CHD2: variants seen among roughly 807,000 people sequenced by gnomAD.
The protein encoded by CHD2 is ATP-dependent chromatin remodeler CHD2.
A neutral mutation model predicts 243.9 loss-of-function variants in CHD2; 28 were observed. The observed-to-expected ratio is 0.11, with a 90% CI of 0.09 to 0.16. The LOEUF is 0.16. Among genes scored for constraint, CHD2 ranks in the 10% least tolerant of loss-of-function variants. The pLI is 1.00. For synonymous variants in CHD2, 775 were observed against 779.0 expected, an observed-to-expected ratio of 0.99 and a Z score of 0.09; for missense variants, 1,386 against 2,209.8, an observed-to-expected ratio of 0.63 and a Z score of 7.47.
At position 92,949,017 on chromosome 15, in the gene CHD2, T is replaced by A; in HGVS notation, c.1443T>A (p.Asn481Lys). 6.2e-7 allele frequency: 1 copy of A among 1,614,100 alleles called. No individual in the cohort carries two copies. Among genetic ancestry groups the A allele is most frequent in the Non-Finnish European group, 8.5e-7 (1 of 1,180,022 alleles). Residue 481 changes from asparagine to lysine, a missense_variant, in exon 13 of 39, where the codon AAT becomes AAA. Physicochemically the swap from Asn to Lys is moderately conservative, Grantham distance 94 (BLOSUM62 0). Around this residue, in one of 19 missense-constraint regions of CHD2, gnomAD observed 14 missense variants for 26.8 expected, o/e 0.52. Transcript: ENST00000394196. ...KKQPAYLGGE[N>K]LELRDYQLEG... ...AACCTGCATATTTAGGAGGGGAGAA[T>A]CTGGAACTTCGAGATTATCAGCTAG... is the stretch of plus-strand genomic sequence containing the variant.
chr15:92,957,166 C>T (rs1449572648), intron 16 of CHD2, among the ~76,000 whole-genome samples: 1 of 152,168 alleles, frequency 6.6e-6, no homozygotes, highest in African/African-American at 2.4e-5. Context: ...AGAATAACAT[C>T]TATATTCATT....
Position 93,009,047 on chromosome 15 carries a change from TA to T in CHD2, c.4414-97del, listed in dbSNP as rs201797039. The T allele has an allele frequency of 0.022, 29,094 of 1,311,266 alleles. 410 individuals carry two copies. Among genetic ancestry groups the T allele is most frequent in the Middle Eastern group, 0.042 (217 of 5,206 alleles). The allele number at this position is 1,311,266 out of a possible 1,614,324, so 81.2% of individuals were successfully genotyped here. A position where few individuals can be genotyped will look rare whatever the true frequency, so the allele number is the denominator to read the frequency against. ...CTCTTCCTCTAGCAATTATATGGCA[TA>T]GGGGTGGGCTGTGTTTTCATCGAGA... On this transcript the variant is annotated intron_variant, in intron 34 of 38. Transcript: ENST00000394196.
At chr15:92,901,781 G>T in intron 2 of CHD2, 1 of 253,994 alleles carries the variant, frequency 3.9e-6, no homozygotes, top group Non-Finnish European at 7.3e-6. Context: ...AAAGTTATAT[G>T]AATGAAAAAA....
At chr15:92,911,627 A>G (rs1286806918) in intron 2 of CHD2, among the ~76,000 whole-genome samples, 3 of 152,148 alleles carry the variant, frequency 2.0e-5, no homozygotes, top group East Asian at 1.9e-4. Context: ...AATACCGGCT[A>G]TTAGGGAGGC....
chr15:92,941,094 C>T (rs1270803201), intron 7 of CHD2, among the ~76,000 whole-genome samples: 10 of 150,018 alleles, frequency 6.7e-5, no homozygotes, highest in South Asian at 2.1e-4. Context: ...CTCTGCCTCC[C>T]GGATTCAAGT....
chr15:92,916,136 G>C (rs2052830849), intron 2 of CHD2, among the ~76,000 whole-genome samples: 1 of 152,200 alleles, frequency 6.6e-6, no homozygotes, highest in African/African-American at 2.4e-5. Context: ...CAGTTGTCCG[G>C]CCTTTCCAGG....
rs530424170 is a variant in CHD2, at chr15:92,971,640, C to T, written c.2190-125C>T. ...GAGATACAAAAGAAAATATTCTTTG[C>T]TTCTTAAACTTTTTTAGGCCTCTTT... On this transcript the variant is annotated intron_variant, in intron 17 of 38. Transcript: ENST00000394196. 4.8e-4 allele frequency: 296 copies of T among 619,252 alleles called. 1 individual carries two copies. The Middle Eastern group carries it at 5.0e-3, about 10-fold the overall frequency. 38.4% of individuals were successfully genotyped at this position (619,252 alleles called of 1,614,324 possible).
intron 3 of CHD2, 53 bp from the exon 4 acceptor site, chr15:92,927,191 A>G: frequency 7.8e-7 from 1 of 1,278,092 alleles, no homozygotes; most frequent in South Asian, 1.3e-5. Flanking sequence ...ACGTTTGATA[A>G]TAATAATGGG....
At chr15:92,949,589 A>G (rs1294228231) in intron 13 of CHD2, among the ~76,000 whole-genome samples, 2 of 152,196 alleles carry the variant, frequency 1.3e-5, no homozygotes, top group African/African-American at 4.8e-5. Context: ...CTGTGAAAGT[A>G]TCCTTTTTAT....
chr15:93,020,866 G>A (rs1245262852), intron 38 of CHD2: 1 of 153,068 alleles, frequency 6.5e-6, no homozygotes, highest in East Asian at 1.9e-4. Context: ...ATTTACAGTG[G>A]GAAAATTTCA....
chr15:93,002,486 G>A (rs1191615349), intron 33 of CHD2, among the ~76,000 whole-genome samples, 169 bp downstream of exon 33: 3 of 152,230 alleles, frequency 2.0e-5, no homozygotes, highest in Non-Finnish European at 4.4e-5. Flanking sequence ...TCCTTGCAGA[G>A]AGAGGGGAAC....
chr15:92,908,551 T>G (rs1174247243), intron 2 of CHD2, among the ~76,000 whole-genome samples: 4 of 152,178 alleles, frequency 2.6e-5, no homozygotes, highest in African/African-American at 4.8e-5. Context: ...TTTTAAAAGC[T>G]CTCTGTGTTT....
chr15:92,990,445 C>T (rs2054102474), intron 26 of CHD2, among the ~76,000 whole-genome samples: 1 of 152,152 alleles, frequency 6.6e-6, no homozygotes, highest in Admixed American at 6.5e-5. Context: ...CCGTTTATGC[C>T]AGCATTCCTA....
At chr15:92,918,952 GAGTT>G (rs1567124259) in intron 2 of CHD2, among the ~76,000 whole-genome samples, 1 of 150,592 alleles carries the variant, frequency 6.6e-6, no homozygotes, top group South Asian at 2.1e-4. Context: ...TCCACCTCCT[GAGTT>G]CAAGCGATTC....
chr15:92,983,650 A>G (rs965646488), intron 24 of CHD2, among the ~76,000 whole-genome samples: 6 of 152,328 alleles, frequency 3.9e-5, no homozygotes, highest in African/African-American at 1.4e-4. Context: ...AAATGGATAC[A>G]CTTAGATGGC....
At chr15:92,927,926 C>G (rs1315462667) in intron 4 of CHD2, among the ~76,000 whole-genome samples, 1 of 152,112 alleles carries the variant, frequency 6.6e-6, no homozygotes, top group Non-Finnish European at 1.5e-5. Context: ...TCTATAGAAT[C>G]AGACTTCTTT....
chr15:92,913,680 C>T (rs192195882), intron 2 of CHD2, among the ~76,000 whole-genome samples: 240 of 152,168 alleles, frequency 1.6e-3, no homozygotes, highest in Middle Eastern at 3.4e-3. Flanking sequence ...AGGGAGATGC[C>T]ATTTCTACAA....
intron 34 of CHD2, among the ~76,000 whole-genome samples, chr15:93,005,596 C>T (rs982840961): frequency 2.6e-5 from 4 of 152,184 alleles, no homozygotes; most frequent in African/African-American, 9.7e-5. Context: ...GCAAAGGACC[C>T]TGTTGACCCT....
At position 92,912,582 on chromosome 15, in the gene CHD2, A is replaced by G. The variant is rs568964821; in HGVS notation, c.62+11283A>G. On this transcript the variant is annotated intron_variant, in intron 2 of 38. Transcript: ENST00000394196. ...GGAGTCTCGCTTTGTTGCCTGAGCT[A>G]GAGTGCAATGGCTCGATCTTGGCTC... is the stretch of plus-strand genomic sequence containing the variant. 3.6e-4 allele frequency among the ~76,000 whole-genome samples: 54 copies of G among 152,094 alleles called. 1 individual carries two copies. In the South Asian group the frequency reaches 0.011, roughly 31 times the overall value.
Sources: allele counts gnomAD v4.1 joint callset (sites outside exome capture counted in the v4.1 genomes callset), GRCh38; gene constraint gnomAD v4.1.1; regional missense constraint gnomAD v4.1.1; transcripts MANE v1.5; gene names NCBI Gene and HGNC (gene_info 2026-07-23, HGNC 2026-07-21).